Variants in KIAA1328 observed in about 807,000 individuals in gnomAD.
KIAA1328 encodes protein hinderin.
KIAA1328 carries 52 observed loss-of-function variants against 68.1 expected under a neutral mutation model. The ratio of observed to expected loss-of-function variants is 0.76; its 90% confidence interval spans 0.61 to 0.96. The LOEUF is 0.96. KIAA1328 is among the 40% of genes least tolerant of loss of function. The pLI is 0.00. For missense variants in KIAA1328, 641 were observed against 677.6 expected, an observed-to-expected ratio of 0.95 and a Z score of 0.60; for synonymous variants, 232 against 239.4, an observed-to-expected ratio of 0.97 and a Z score of 0.28.
chr18:36,844,249 T>C lies in KIAA1328; in HGVS notation c.279T>C (p.Asp93=). ...RGEIKSASLK[D]LCLEDKRRIA... ...AAATAAAGAGTGCATCATTGAAGGA[T>C]TTATGTCTTGAAGACAAAAGACGCA... Residue 93 remains aspartate (D), a synonymous_variant, in exon 4 of 10, where the codon GAT becomes GAC. Coordinates refer to ENST00000280020, the MANE Select transcript of KIAA1328 (RefSeq NM_020776.3). The C allele has an allele frequency of 6.2e-7, 1 of 1,607,382 alleles. No homozygotes were observed. The highest frequency in any genetic ancestry group is 8.5e-7 in the Non-Finnish European group (1 of 1,176,904).
intron 7 of KIAA1328, chr18:37,084,219 G>T: frequency 6.6e-7 from 1 of 1,517,426 alleles, no homozygotes; most frequent in South Asian, 1.2e-5. Flanking sequence ...GAATGGCAGT[G>T]ACTCTGGACC....
chr18:36,978,162 T>G (rs2052544939), intron 6 of KIAA1328, among the ~76,000 whole-genome samples: 1 of 152,178 alleles, frequency 6.6e-6, no homozygotes, highest in Admixed American at 6.6e-5. Flanking sequence ...AAGACTCATC[T>G]CTAAATGGAA....
At chr18:36,909,987 T>C (rs997909598) in intron 5 of KIAA1328, among the ~76,000 whole-genome samples, 1 of 152,212 alleles carries the variant, frequency 6.6e-6, no homozygotes, top group South Asian at 2.1e-4. Context: ...GTTGTTTTTT[T>C]TGTGTAAATT....
chr18:36,920,008 C>T (rs1261971676), intron 5 of KIAA1328, among the ~76,000 whole-genome samples: 1 of 151,978 alleles, frequency 6.6e-6, no homozygotes, highest in Non-Finnish European at 1.5e-5. Context: ...ATATCTTCAC[C>T]CGTTCTGTAG....
intron 5 of KIAA1328, chr18:36,895,832 A>C (rs2048850035): frequency 2.2e-6 from 1 of 454,804 alleles, no homozygotes. Context: ...TTGTCCTAGA[A>C]GAAGAGCAGA....
At chr18:37,161,347 C>CT (rs2059275309) in intron 8 of KIAA1328, among the ~76,000 whole-genome samples, 1 of 152,130 alleles carries the variant, frequency 6.6e-6, no homozygotes, top group Non-Finnish European at 1.5e-5. Context: ...CTCTGTCATG[C>CT]TTTTTGGGTT....
chr18:37,010,942 A>G (rs2053958561), intron 6 of KIAA1328, among the ~76,000 whole-genome samples: 1 of 152,164 alleles, frequency 6.6e-6, no homozygotes, highest in Admixed American at 6.5e-5. Flanking sequence ...TCATGCTCTC[A>G]AGAAAGTGGT....
rs2053187065 is a variant in KIAA1328 at position 36,991,761 on chromosome 18, G to C, written c.576+32326G>C. ...ATGGCTGGGCCTCTATGTTGGTTCA[G>C]GGCCTCTCTCCTCGTGTAGCGTCTT... On this transcript the variant is annotated intron_variant, in intron 6 of 9. Transcript: ENST00000280020. Among the ~76,000 whole-genome samples, 3 of 152,210 alleles carry C rather than the reference G, an allele frequency of 2.0e-5. No homozygotes were observed. In the East Asian group the frequency reaches 5.8e-4, roughly 29 times the overall value.
At chr18:37,136,317 T>C (rs1478559633) in intron 7 of KIAA1328, among the ~76,000 whole-genome samples, 1 of 152,152 alleles carries the variant, frequency 6.6e-6, no homozygotes, top group Non-Finnish European at 1.5e-5. Flanking sequence ...CTACTCTCAG[T>C]TCTAAAATTT....
chr18:37,129,946 A>G (rs1386121676), intron 7 of KIAA1328, among the ~76,000 whole-genome samples: 2 of 152,164 alleles, frequency 1.3e-5, no homozygotes, highest in Non-Finnish European at 2.9e-5. Flanking sequence ...AAAGTTGATG[A>G]AATAAGAAAT....
intron 7 of KIAA1328, among the ~76,000 whole-genome samples, chr18:37,157,634 A>AC (rs1312885402): frequency 6.6e-6 from 1 of 151,778 alleles, no homozygotes; most frequent in East Asian, 1.9e-4. Context: ...ACATAGTGAA[A>AC]CCCCATCTCT....
At chr18:37,207,991 T>C (rs170455) in intron 9 of KIAA1328, among the ~76,000 whole-genome samples, 41,581 of 151,842 alleles carry the variant, frequency 0.27, 9,079 homozygotes, top group African/African-American at 0.61. Flanking sequence ...GTATTTGCAG[T>C]AGAGATAGGG....
intron 9 of KIAA1328, 58 bp from the exon 10 acceptor site, chr18:37,221,959 T>C: frequency 6.5e-7 from 1 of 1,543,306 alleles, no homozygotes; most frequent in Non-Finnish European, 8.8e-7. Context: ...GCTGGGCTTC[T>C]TGAATTCTCA....
Position 36,907,673 on chromosome 18 carries a change from T to C in KIAA1328, c.448+22001T>C, listed in dbSNP as rs147296355. ...CTGGATTTTATTAGTTAATATATTG[T>C]TAAGAATTTTTGCTTAATGAGAGAC... On this transcript the variant is annotated intron_variant, in intron 5 of 9. Transcript: ENST00000280020. 1.0e-3 allele frequency among the ~76,000 whole-genome samples: 154 copies of C among 152,302 alleles called. 3 individuals are homozygous for C. The East Asian group carries it at 0.024, about 24-fold the overall frequency.
chr18:36,931,408 T>C (rs911367369), intron 5 of KIAA1328, among the ~76,000 whole-genome samples: 11 of 152,036 alleles, frequency 7.2e-5, no homozygotes, highest in Admixed American at 5.2e-4. Flanking sequence ...CTAGGTTGCA[T>C]GCTCCTTAGG....
intron 5 of KIAA1328, among the ~76,000 whole-genome samples, chr18:36,914,230 C>T (rs1433206512): frequency 6.6e-6 from 1 of 152,146 alleles, no homozygotes; most frequent in Non-Finnish European, 1.5e-5. Flanking sequence ...AAATCTATCT[C>T]TTTTTTGTGT....
intron 5 of KIAA1328, chr18:36,895,804 G>A: frequency 2.2e-6 from 1 of 455,900 alleles, no homozygotes; most frequent in South Asian, 1.6e-5. Flanking sequence ...TACTGGTAGA[G>A]CCCTAATCCA....
intron 7 of KIAA1328, among the ~76,000 whole-genome samples, chr18:37,146,724 G>T (rs894884075): frequency 6.6e-6 from 1 of 152,148 alleles, no homozygotes; most frequent in Non-Finnish European, 1.5e-5. Context: ...TACAATATGT[G>T]TCCCTAACTT....
intron 6 of KIAA1328, among the ~76,000 whole-genome samples, chr18:36,996,628 G>T (rs1598925751): frequency 6.6e-6 from 1 of 152,124 alleles, no homozygotes; most frequent in South Asian, 2.1e-4. Context: ...CCAAGAAGAA[G>T]TGAATAAATG....
Sources: gnomAD v4.1 joint callset for allele counts (sites outside exome capture counted in the v4.1 genomes callset) on GRCh38, gnomAD v4.1.1 for gene constraint, MANE v1.5 for transcripts, NCBI Gene and HGNC (gene_info 2026-07-23, HGNC 2026-07-21) for gene names.